NNT: variants seen among roughly 807,000 people sequenced by gnomAD.
The protein encoded by NNT is NAD(P) transhydrogenase, mitochondrial.
In NNT, 50 loss-of-function variants were observed where a neutral mutation model predicts 104.8. The ratio of observed to expected loss-of-function variants is 0.48; its 90% CI spans 0.38 to 0.60. The LOEUF (loss-of-function observed/expected upper bound fraction) is 0.60, where lower values mean the gene tolerates loss of function less well. Among genes scored for constraint, NNT ranks in the 20% least tolerant of loss-of-function variants. NNT has a pLI of 0.00. For synonymous variants in NNT, 461 were observed against 490.4 expected, an observed-to-expected ratio of 0.94 and a Z score of 0.79; for missense variants, 1,131 against 1,330.7, an observed-to-expected ratio of 0.85 and a Z score of 2.33.
intron 7 of NNT, among the ~76,000 whole-genome samples, chr5:43,635,770 TA>T (rs1750900139): frequency 6.6e-6 from 1 of 152,118 alleles, no homozygotes; most frequent in African/African-American, 2.4e-5. Context: ...CCTCTCCTTT[TA>T]AGGACACCAG....
In NNT at chr5:43,651,874, A is replaced by G; in HGVS notation, c.1853A>G (p.Asn618Ser). Residue 618 changes from asparagine to serine, a missense_variant, in exon 13 of 22, where the codon AAC becomes AGC. Coordinates refer to ENST00000344920, the MANE Select transcript of NNT (RefSeq NM_182977.3). ...TTAGCTGCCCTCTACAGTGGTTATA[A>G]CATTGAACAGGTAAGATGCTCTTTG... is the stretch of plus-strand genomic sequence containing the variant. Reference protein sequence around the residue: ...GYLAALYSGYNIEQIMYLGSG... With the variant: ...GYLAALYSGYSIEQIMYLGSG... 3 of 1,614,076 alleles carry G rather than the reference A, an allele frequency of 1.9e-6. No individual in the cohort carries two copies. The highest frequency in any genetic ancestry group is 2.5e-6 in the Non-Finnish European group (3 of 1,180,006).
intron 17 of NNT, chr5:43,666,646 C>G: frequency 1.8e-6 from 1 of 553,990 alleles, no homozygotes; most frequent in Non-Finnish European, 3.2e-6. Flanking sequence ...TTTTTTTTTC[C>G]TGCCTCAGGT....
chr5:43,649,757 AAC>A (rs1389338496), intron 11 of NNT, among the ~76,000 whole-genome samples: 9 of 152,114 alleles, frequency 5.9e-5, no homozygotes, highest in African/African-American at 2.2e-4. Context: ...GGGACAGGAA[AAC>A]ACAGCTTTCC....
chr5:43,703,501 G>T (rs2112265161), intron 21 of NNT, among the ~76,000 whole-genome samples: 1 of 152,264 alleles, frequency 6.6e-6, no homozygotes, highest in Middle Eastern at 3.4e-3. Flanking sequence ...TTGAGAATTT[G>T]TAGAGTGCAT....
intron 5 of NNT, among the ~76,000 whole-genome samples, chr5:43,622,865 G>GT (rs36088911): frequency 0.04 from 5,554 of 138,446 alleles, 93 homozygotes; most frequent in African/African-American, 0.049. Context: ...TTAAATTATG[G>GT]TTTTTTTTTT....
intron 1 of NNT, among the ~76,000 whole-genome samples, chr5:43,607,167 C>A (rs931280042): frequency 6.6e-6 from 1 of 151,974 alleles, no homozygotes; most frequent in Non-Finnish European, 1.5e-5. Flanking sequence ...TCACTCCTGT[C>A]AGGACTCTGA....
At chr5:43,664,978 G>A (rs747416738) in intron 17 of NNT, among the ~76,000 whole-genome samples, 1 of 152,006 alleles carries the variant, frequency 6.6e-6, no homozygotes, top group Non-Finnish European at 1.5e-5. Context: ...TCAGAAGTGG[G>A]TACCCATTAA....
rs70997432 is a variant in NNT, at chr5:43,705,771, A to ATGTGTGTGTG, written c.*1378_*1387dup. 2.7e-5 allele frequency: 4 copies of ATGTGTGTGTG among 149,264 alleles called. No individual in the cohort carries two copies. Among genetic ancestry groups the ATGTGTGTGTG allele is most frequent in the African/African-American group, 9.8e-5 (4 of 40,756 alleles). The allele number at this position is 149,264 out of a possible 1,614,324, so 9.2% of individuals were successfully genotyped here. ...CTGTGCCTGAGATTAAGATCTGTGT[A>ATGTGTGTGTG]TGTGTGTGTGTGTGTGTGTGCGTTT... is the stretch of plus-strand genomic sequence containing the variant. On this transcript the variant is annotated 3_prime_UTR_variant, in exon 22 of 22. Coordinates refer to ENST00000344920, the MANE Select transcript of NNT (RefSeq NM_182977.3).
In NNT at chr5:43,656,771, C is replaced by T; in HGVS notation, c.2412C>T (p.Gly804=). 1 of 1,614,090 alleles carries T rather than the reference C, an allele frequency of 6.2e-7. No homozygotes were observed. Among genetic ancestry groups the T allele is most frequent in the Non-Finnish European group, 8.5e-7 (1 of 1,179,974 alleles). The change falls in exon 16 of 22, where the codon GGC becomes GGT. Residue 804 remains glycine, a synonymous_variant. Transcript: ENST00000344920. The part of the protein sequence containing the change: ...PFMVDPSFTT[G]ITCLGSVSAL... Reference sequence around the variant, plus strand: ...TGGTGGACCCAAGCTTTACTACTGGCATCACCTGTCTGGGTTCAGTGTCTG... The same window carrying T: ...TGGTGGACCCAAGCTTTACTACTGGTATCACCTGTCTGGGTTCAGTGTCTG...
chr5:43,696,745 C>A (rs1471772706), intron 19 of NNT, among the ~76,000 whole-genome samples: 3 of 152,202 alleles, frequency 2.0e-5, no homozygotes, highest in African/African-American at 7.2e-5. Context: ...CATGCAGGCT[C>A]CACATCATGT....
chr5:43,608,117 A>C (rs945579760), intron 1 of NNT, among the ~76,000 whole-genome samples: 4 of 151,744 alleles, frequency 2.6e-5, no homozygotes, highest in African/African-American at 9.7e-5. Flanking sequence ...TTTTAGTAGA[A>C]ACGGGGTTTC....
intron 6 of NNT, among the ~76,000 whole-genome samples, chr5:43,624,755 C>G (rs1467796540): frequency 6.6e-6 from 1 of 152,132 alleles, no homozygotes; most frequent in Admixed American, 6.5e-5. Context: ...TCAGAAGACA[C>G]TAGACACTGG....
At chr5:43,634,277 T>G (rs2111745670) in intron 7 of NNT, among the ~76,000 whole-genome samples, 2 of 152,296 alleles carry the variant, frequency 1.3e-5, no homozygotes, top group East Asian at 3.9e-4. Flanking sequence ...TAAATTTATC[T>G]TTCATATGGA....
At chr5:43,608,966 C>T (rs887461008) in intron 1 of NNT, among the ~76,000 whole-genome samples, 177 bp from the exon 2 acceptor site, 14 of 152,096 alleles carry the variant, frequency 9.2e-5, no homozygotes, top group African/African-American at 2.9e-4. Flanking sequence ...AACTGGAAAA[C>T]GAATTTTGAG....
intron 17 of NNT, among the ~76,000 whole-genome samples, chr5:43,667,583 C>T (rs999803874): frequency 5.3e-5 from 8 of 152,206 alleles, no homozygotes; most frequent in African/African-American, 1.4e-4. Flanking sequence ...CATGTCCCTA[C>T]AAAGGACATG....
intron 17 of NNT, among the ~76,000 whole-genome samples, chr5:43,665,286 G>A (rs1189493379): frequency 1.3e-5 from 2 of 150,844 alleles, no homozygotes; most frequent in Non-Finnish European, 3.0e-5. Context: ...TCGGAGAGGG[G>A]GATTTGGCAG....
intron 3 of NNT, among the ~76,000 whole-genome samples, chr5:43,614,957 G>T (rs952111160): frequency 4.6e-5 from 7 of 151,514 alleles, no homozygotes; most frequent in African/African-American, 1.5e-4. Flanking sequence ...CTAACAAGGT[G>T]AAACCCCGTC....
At chr5:43,683,841 G>A (rs1741846922) in intron 19 of NNT, among the ~76,000 whole-genome samples, 1 of 151,500 alleles carries the variant, frequency 6.6e-6, no homozygotes, top group Non-Finnish European at 1.5e-5. Flanking sequence ...TAATCTTGTT[G>A]CCTATTTTAA....
At chr5:43,616,142 T>C in intron 4 of NNT, 77 bp downstream of exon 4, 1 of 1,139,992 alleles carries the variant, frequency 8.8e-7, no homozygotes, top group Non-Finnish European at 1.3e-6. Context: ...TCTTCTGTCT[T>C]ACAGTGATTT....
Sources: gnomAD v4.1 joint callset for allele counts (sites outside exome capture counted in the v4.1 genomes callset) on GRCh38, gnomAD v4.1.1 for gene constraint, MANE v1.5 for transcripts, NCBI Gene and HGNC (gene_info 2026-07-23, HGNC 2026-07-21) for gene names.